Variants in HIPK2 observed in about 807,000 individuals in gnomAD.
The protein encoded by HIPK2 is homeodomain interacting protein kinase 2, also known as homeodomain-interacting protein kinase 2.
HIPK2 carries 27 observed loss-of-function variants against 113.7 expected under a neutral mutation model. The observed-to-expected ratio is 0.24, with a 90% confidence interval of 0.17 to 0.33. HIPK2 has a LOEUF of 0.33. Ranked by LOEUF, HIPK2 falls within the 10% of genes least tolerant of loss-of-function variation. The probability of loss-of-function intolerance (pLI) is 1.00; values close to 1 mark genes in which losing one functional copy is unlikely to be tolerated. For synonymous variants in HIPK2, 631 were observed against 642.2 expected (o/e 0.98, Z 0.26); for missense variants, 1,257 against 1,588.0 (o/e 0.79, Z 3.54).
intron 12 of HIPK2, among the ~76,000 whole-genome samples, chr7:139,584,903 G>T (rs958106061): frequency 2.0e-5 from 3 of 152,340 alleles, no homozygotes; most frequent in Admixed American, 6.5e-5. Flanking sequence ...TCATACAATA[G>T]GGAGGCACTG....
At chr7:139,760,650 C>T (rs1391706308) in intron 1 of HIPK2, among the ~76,000 whole-genome samples, 1 of 151,872 alleles carries the variant, frequency 6.6e-6, no homozygotes, top group Non-Finnish European at 1.5e-5. Flanking sequence ...TTTTCCATAC[C>T]AGAAAAAGGG....
At chr7:139,623,114 T>A (rs1397356616) in intron 6 of HIPK2, among the ~76,000 whole-genome samples, 1 of 152,184 alleles carries the variant, frequency 6.6e-6, no homozygotes, top group Non-Finnish European at 1.5e-5. Context: ...ATCAAAAGAC[T>A]GAAATCATGG....
chr7:139,573,316 G>C lies in HIPK2; in HGVS notation c.3208C>G (p.Pro1070Ala). ...GGGCTGTTGTGCGGGAAGGAGTACG[G>C]AGCCTGGGCCATGGTGGGAGTGATG... ...AYITPTMAQA[P>A]YSFPHNSPSH... The change falls in exon 15 of 15, where the codon CCG becomes GCG. Residue 1070 changes from proline to alanine, a missense_variant. Transcript: ENST00000406875. The C allele has an allele frequency of 6.2e-7, 1 of 1,605,566 alleles. No homozygotes were observed. The highest frequency in any genetic ancestry group is 8.5e-7 in the Non-Finnish European group (1 of 1,179,836).
At chr7:139,704,463 C>A (rs1451361111) in intron 2 of HIPK2, among the ~76,000 whole-genome samples, 3 of 148,690 alleles carry the variant, frequency 2.0e-5, no homozygotes, top group South Asian at 4.3e-4. Flanking sequence ...ACATACCACA[C>A]ACACACCCAA....
In HIPK2 at chr7:139,562,142, GACAATTCACATAGGAAAAAGAGGT is replaced by G. The variant is rs1379626710; in HGVS notation, c.*10761_*10784del. The G allele has an allele frequency of 4.6e-5, 7 of 152,124 alleles. No homozygotes were observed. The highest frequency in any genetic ancestry group is 7.3e-5 in the Non-Finnish European group (5 of 68,034). 9.4% of individuals were successfully genotyped at this position (152,124 alleles called of 1,614,324 possible). A position where few individuals can be genotyped will look rare whatever the true frequency, so the allele number is the denominator to read the frequency against. On this transcript the variant is annotated 3_prime_UTR_variant, in exon 15 of 15. Coordinates refer to ENST00000406875, the MANE Select transcript of HIPK2 (RefSeq NM_022740.5). Reference sequence around the variant, plus strand: ...TAGACATTTATAAATAAAAAAGAGGGACAATTCACATAGGAAAAAGAGGTACACGAGAAAATACTGTTGCACGCA... The same window carrying G: ...TAGACATTTATAAATAAAAAAGAGGGACACGAGAAAATACTGTTGCACGCA...
chr7:139,671,909 C>A (rs1339239686), intron 2 of HIPK2, among the ~76,000 whole-genome samples: 2 of 152,198 alleles, frequency 1.3e-5, no homozygotes, highest in Non-Finnish European at 2.9e-5. Flanking sequence ...TCACTAAAAT[C>A]TAAGCCTTGA....
At chr7:139,732,603 G>A (rs999308052) in intron 1 of HIPK2, among the ~76,000 whole-genome samples, 1 of 151,894 alleles carries the variant, frequency 6.6e-6, no homozygotes, top group Non-Finnish European at 1.5e-5. Flanking sequence ...TCAACAACTA[G>A]GTCAGATGCC....
chr7:139,646,499 T>TAA (rs57503855), intron 2 of HIPK2, among the ~76,000 whole-genome samples: 6 of 119,916 alleles, frequency 5.0e-5, no homozygotes, highest in Admixed American at 8.8e-5. Context: ...GACCTTGTCT[T>TAA]AAAAAAAAAA....
At chr7:139,601,321 T>C (rs1799418033) in intron 10 of HIPK2, among the ~76,000 whole-genome samples, 1 of 152,186 alleles carries the variant, frequency 6.6e-6, no homozygotes, top group African/African-American at 2.4e-5. Flanking sequence ...ACACAGTGTC[T>C]TCAATGGGTT....
intron 1 of HIPK2, among the ~76,000 whole-genome samples, chr7:139,760,154 C>T (rs1298199281): frequency 2.0e-5 from 3 of 152,152 alleles, no homozygotes; most frequent in African/African-American, 2.4e-5. Flanking sequence ...AGGCACCCGC[C>T]ACCACGCCCA....
chr7:139,702,512 A>G (rs1179043315), intron 2 of HIPK2, among the ~76,000 whole-genome samples: 1 of 152,126 alleles, frequency 6.6e-6, no homozygotes, highest in African/African-American at 2.4e-5. Context: ...TCCAGGACAA[A>G]GGAAGTTCTC....
At chr7:139,575,504 G>A (rs188637687) in intron 13 of HIPK2, among the ~76,000 whole-genome samples, 3 of 152,280 alleles carry the variant, frequency 2.0e-5, no homozygotes, top group African/African-American at 4.8e-5. Context: ...GAGGGTGGTC[G>A]GGGCTGCATG....
At chr7:139,769,199 C>T (rs1220941242) in intron 1 of HIPK2, among the ~76,000 whole-genome samples, 1 of 152,178 alleles carries the variant, frequency 6.6e-6, no homozygotes, top group Non-Finnish European at 1.5e-5. Context: ...GTGCTCGATG[C>T]GTGTTCTCCT....
chr7:139,626,001 G>GT (rs2116867437), intron 6 of HIPK2, among the ~76,000 whole-genome samples: 1 of 152,188 alleles, frequency 6.6e-6, no homozygotes, highest in Admixed American at 6.5e-5. Context: ...CCAGAGTCAG[G>GT]TTCATCCAGC....
intron 2 of HIPK2, among the ~76,000 whole-genome samples, chr7:139,677,853 C>T (rs900234081): frequency 1.3e-5 from 2 of 152,212 alleles, no homozygotes; most frequent in Non-Finnish European, 2.9e-5. Flanking sequence ...GAAAGTGTTC[C>T]TATTTCTCCA....
chr7:139,619,793 C>T (rs1170694306), intron 7 of HIPK2, among the ~76,000 whole-genome samples: 1 of 152,146 alleles, frequency 6.6e-6, no homozygotes, highest in Non-Finnish European at 1.5e-5. Flanking sequence ...CGGGGTCTCA[C>T]TCTGTCCCCT....
intron 2 of HIPK2, among the ~76,000 whole-genome samples, chr7:139,659,646 G>T (rs1261081190): frequency 2.0e-5 from 3 of 152,086 alleles, no homozygotes; most frequent in African/African-American, 7.2e-5. Context: ...CCCTGTCCTT[G>T]GCCTATGCCT....
chr7:139,636,448 G>A (rs1800817807), intron 2 of HIPK2, among the ~76,000 whole-genome samples: 1 of 152,118 alleles, frequency 6.6e-6, no homozygotes, highest in Non-Finnish European at 1.5e-5. Flanking sequence ...TAGGAATGGA[G>A]TTGCTGCAGA....
chr7:139,641,866 C>T (rs371818529), intron 2 of HIPK2, among the ~76,000 whole-genome samples: 1 of 152,224 alleles, frequency 6.6e-6, no homozygotes, highest in African/African-American at 2.4e-5. Context: ...CAGCGCTAAT[C>T]GGAGCGCACA....
Sources: allele counts gnomAD v4.1 joint callset (sites outside exome capture counted in the v4.1 genomes callset), GRCh38; gene constraint gnomAD v4.1.1; transcripts MANE v1.5; gene names NCBI Gene and HGNC (gene_info 2026-07-23, HGNC 2026-07-21).